Variants in KALRN observed in about 807,000 individuals in gnomAD.
KALRN encodes the protein kalirin RhoGEF kinase.
KALRN carries 70 observed loss-of-function variants against 353.7 expected under a neutral mutation model. That is an observed-to-expected ratio of 0.20 (90% confidence interval 0.16 to 0.24). The LOEUF (loss-of-function observed/expected upper bound fraction) is 0.24, where lower values mean the gene tolerates loss of function less well. Among genes scored for constraint, KALRN ranks in the 10% least tolerant of loss-of-function variants. KALRN has a pLI of 1.00. For missense variants in KALRN, 2,791 were observed against 3,756.7 expected (o/e 0.74, Z 6.72); for synonymous variants, 1,391 against 1,434.8 (o/e 0.97, Z 0.69).
intron 32 of KALRN, among the ~76,000 whole-genome samples, chr3:124,494,207 A>G (rs1239600299): frequency 6.6e-6 from 1 of 152,162 alleles, no homozygotes; most frequent in Non-Finnish European, 1.5e-5. Context: ...CTTGTCCTAC[A>G]ATGGGTGGGT....
At position 124,396,846 on chromosome 3, in the gene KALRN, C is replaced by T. The variant is rs557571581; in HGVS notation, c.2171+1503C>T. On this transcript the variant is annotated intron_variant, in intron 12 of 59. Coordinates refer to ENST00000682506, the MANE Select transcript of KALRN (RefSeq NM_001388419.1). ...GTACCGTAGGCATATGACCAAGAGC[C>T]ACTGGCGACCATTCATTATGCCAGT... 1.1e-3 allele frequency among the ~76,000 whole-genome samples: 169 copies of T among 152,332 alleles called. No individual in the cohort carries two copies. The Middle Eastern group carries it at 0.017, about 15-fold the overall frequency.
chr3:124,059,809 A>G (rs2041854197), intron 1 of KALRN, among the ~76,000 whole-genome samples: 1 of 152,236 alleles, frequency 6.6e-6, no homozygotes, highest in Admixed American at 6.5e-5. Flanking sequence ...GTTGAAACTG[A>G]GAGCTACTTT....
chr3:124,472,575 A>ATATGTG (rs1553993492), intron 25 of KALRN, among the ~76,000 whole-genome samples: 1 of 148,722 alleles, frequency 6.7e-6, no homozygotes, highest in South Asian at 2.2e-4. Context: ...GTGTGTGTAT[A>ATATGTG]TGTGTGTGTG....
At chr3:124,538,996 C>T (rs1395829241) in intron 33 of KALRN, among the ~76,000 whole-genome samples, 1 of 152,214 alleles carries the variant, frequency 6.6e-6, no homozygotes, top group East Asian at 1.9e-4. Context: ...CCTGCCATTT[C>T]TACCATGCTG....
intron 33 of KALRN, among the ~76,000 whole-genome samples, chr3:124,528,400 G>A (rs755331499): frequency 6.6e-6 from 1 of 152,198 alleles, no homozygotes; most frequent in Non-Finnish European, 1.5e-5. Context: ...CATGACAGCA[G>A]GAATATGGCT....
intron 1 of KALRN, among the ~76,000 whole-genome samples, chr3:124,080,485 TG>T (rs2060484852): frequency 6.6e-6 from 1 of 152,206 alleles, no homozygotes; most frequent in South Asian, 2.1e-4. Context: ...TCATCAGAAA[TG>T]TGTAAATTGT....
chr3:124,080,644 A>G (rs749734258), intron 1 of KALRN, among the ~76,000 whole-genome samples: 15 of 152,232 alleles, frequency 9.9e-5, no homozygotes, highest in Non-Finnish European at 1.8e-4. Context: ...TAAAATCATC[A>G]TAAACAGCGT....
At chr3:124,439,773 T>A (rs987967817) in intron 18 of KALRN, among the ~76,000 whole-genome samples, 1 of 152,220 alleles carries the variant, frequency 6.6e-6, no homozygotes, top group Non-Finnish European at 1.5e-5. Flanking sequence ...CTGCACAGAC[T>A]GTCAGCTGGT....
rs542617620 is a variant in KALRN, at chr3:124,523,153, A to G, written c.4935+26740A>G. 2.0e-5 allele frequency among the ~76,000 whole-genome samples: 3 copies of G among 152,350 alleles called. No homozygotes were observed. The East Asian group carries it at 5.8e-4, about 29-fold the overall frequency. ...AAAAGAGGTTATATGGCCTCCCTTG[A>G]GCTATCAAGTCTGAGACTCCCAGAT... is the stretch of plus-strand genomic sequence containing the variant. On this transcript the variant is annotated intron_variant, in intron 33 of 59. Transcript: ENST00000682506.
intron 25 of KALRN, among the ~76,000 whole-genome samples, chr3:124,468,203 G>A (rs2060530441): frequency 6.6e-6 from 1 of 152,146 alleles, no homozygotes; most frequent in Admixed American, 6.5e-5. Context: ...ATATATAACA[G>A]GGAAGTTAAA....
intron 41 of KALRN, 109 bp downstream of exon 41, chr3:124,657,912 A>C: frequency 1.2e-6 from 1 of 801,678 alleles, no homozygotes; most frequent in Non-Finnish European, 2.1e-6. Flanking sequence ...CCAACACTTT[A>C]GGAGGCCAAG....
intron 25 of KALRN, among the ~76,000 whole-genome samples, chr3:124,466,034 CTGTGTGTGTGTGTGTGTGTGTGTG>C (rs10639598): frequency 6.8e-6 from 1 of 147,352 alleles, no homozygotes; most frequent in Admixed American, 6.7e-5. Context: ...CTCTCTTGCT[CTGTGTGTGTGTGTGTGTGTGTGTG>C]TGTGTGTGTG....
chr3:124,078,272 A>C (rs915034904), intron 1 of KALRN, among the ~76,000 whole-genome samples: 1 of 152,226 alleles, frequency 6.6e-6, no homozygotes, highest in Non-Finnish European at 1.5e-5. Context: ...GGTCTGACTC[A>C]TTCTGTACTA....
At chr3:124,266,209 A>G (rs918451337) in intron 4 of KALRN, among the ~76,000 whole-genome samples, 13 of 152,238 alleles carry the variant, frequency 8.5e-5, no homozygotes, top group African/African-American at 2.9e-4. Context: ...AAATAGTATT[A>G]AAATATTTAT....
chr3:124,587,771 T>A (rs2075358220), intron 34 of KALRN, among the ~76,000 whole-genome samples: 2 of 145,890 alleles, frequency 1.4e-5, no homozygotes, highest in Admixed American at 1.4e-4. Context: ...AGTGGTTTGA[T>A]CATGGTTCAC....
At chr3:124,132,405 G>A (rs1203174720) in intron 1 of KALRN, among the ~76,000 whole-genome samples, 3 of 152,218 alleles carry the variant, frequency 2.0e-5, no homozygotes, top group Admixed American at 6.5e-5. Context: ...ACTGATGGGA[G>A]GAGAAGAAAC....
chr3:124,662,039 C>T (rs2084943171), intron 45 of KALRN, 111 bp downstream of exon 45: 2 of 832,592 alleles, frequency 2.4e-6, no homozygotes, highest in African/African-American at 3.4e-5. Flanking sequence ...CTCCTTCACT[C>T]ACCACTATGC....
intron 5 of KALRN, among the ~76,000 whole-genome samples, chr3:124,296,589 C>T (rs1368070940): frequency 1.3e-5 from 2 of 152,218 alleles, no homozygotes; most frequent in African/African-American, 4.8e-5. Context: ...CTTCACACTT[C>T]ACTACCCAGC....
intron 34 of KALRN, among the ~76,000 whole-genome samples, chr3:124,576,308 T>C (rs1425294545): frequency 1.3e-5 from 2 of 152,016 alleles, no homozygotes; most frequent in African/African-American, 4.8e-5. Flanking sequence ...CATTGCCCTA[T>C]CCCCAGCATC....
Sources: allele counts gnomAD v4.1 joint callset (sites outside exome capture counted in the v4.1 genomes callset), GRCh38; gene constraint gnomAD v4.1.1; transcripts MANE v1.5; gene names NCBI Gene and HGNC (gene_info 2026-07-23, HGNC 2026-07-21).